Variants in MAN1A2 observed in about 807,000 individuals in gnomAD.
MAN1A2 encodes mannosyl-oligosaccharide 1,2-alpha-mannosidase IB.
MAN1A2 carries 26 observed loss-of-function variants against 75.7 expected under a neutral mutation model. The ratio of observed to expected loss-of-function variants is 0.34; its 90% CI spans 0.25 to 0.48. MAN1A2 has a LOEUF of 0.48. Ranked by LOEUF, MAN1A2 falls within the 20% of genes least tolerant of loss-of-function variation. The pLI is 0.99. For synonymous variants in MAN1A2, 247 were observed against 264.6 expected (o/e 0.93, Z 0.65); for missense variants, 562 against 775.5 (o/e 0.72, Z 3.27).
At position 117,524,888 on chromosome 1, in the gene MAN1A2, A is replaced by C; in HGVS notation, c.*1931A>C. The C allele has an allele frequency of 3.1e-6, 1 of 320,472 alleles. No individual in the cohort carries two copies. The allele number at this position is 320,472 out of a possible 1,614,324, so 19.9% of individuals were successfully genotyped here. ...TATATTACTGTAACTGTAGAAGGGA[A>C]AAGGGAAAGTATTTGGTTCTAAAAA... On this transcript the variant is annotated 3_prime_UTR_variant, in exon 13 of 13. Coordinates refer to ENST00000356554, the MANE Select transcript of MAN1A2 (RefSeq NM_006699.5).
intron 6 of MAN1A2, among the ~76,000 whole-genome samples, chr1:117,453,351 T>G (rs986409783): frequency 6.6e-6 from 1 of 152,176 alleles, no homozygotes; most frequent in African/African-American, 2.4e-5. Context: ...GAAAATCTTC[T>G]GGAAAGGAGT....
chr1:117,511,452 G>A (rs1202738799), intron 12 of MAN1A2, among the ~76,000 whole-genome samples: 1 of 151,924 alleles, frequency 6.6e-6, no homozygotes, highest in East Asian at 1.9e-4. Flanking sequence ...TGGGACTACA[G>A]GTATGAGTCA....
intron 1 of MAN1A2, among the ~76,000 whole-genome samples, chr1:117,375,578 A>G (rs961238285): frequency 6.6e-6 from 1 of 152,222 alleles, no homozygotes; most frequent in Non-Finnish European, 1.5e-5. Flanking sequence ...ACCATTAAAA[A>G]ATATTAGTCA....
intron 5 of MAN1A2, among the ~76,000 whole-genome samples, chr1:117,422,394 G>A (rs1008616100): frequency 6.6e-6 from 1 of 151,942 alleles, no homozygotes; most frequent in African/African-American, 2.4e-5. Flanking sequence ...TTACAGTTTT[G>A]GAGATTGTGA....
chr1:117,442,195 G>T, intron 5 of MAN1A2, 36 bp from the exon 6 acceptor site: 1 of 1,272,440 alleles, frequency 7.9e-7, no homozygotes, highest in South Asian at 1.2e-5. Context: ...CTTACTAATG[G>T]CTATAATTTA....
intron 8 of MAN1A2, among the ~76,000 whole-genome samples, chr1:117,492,549 A>G (rs1287481087): frequency 6.6e-6 from 1 of 152,076 alleles, no homozygotes; most frequent in Admixed American, 6.6e-5. Context: ...AACTTGCAGT[A>G]TCTCTGAGGT....
At chr1:117,487,204 T>G (rs1195342269) in intron 8 of MAN1A2, among the ~76,000 whole-genome samples, 1 of 152,042 alleles carries the variant, frequency 6.6e-6, no homozygotes, top group African/African-American at 2.4e-5. Flanking sequence ...TGTGGGAAGT[T>G]ATTTCAGAAT....
rs549794172 is a variant in MAN1A2, at chr1:117,462,176, G to A, written c.1074+1564G>A. ...AAATATATGCCCTTGGGGTAAAGAA[G>A]GATTTTTACAATGGGAAACAAAAAA... On this transcript the variant is annotated intron_variant, in intron 7 of 12. Transcript: ENST00000356554. 5.7e-4 allele frequency among the ~76,000 whole-genome samples: 86 copies of A among 151,938 alleles called. No individual in the cohort carries two copies. The East Asian group carries it at 0.016, about 28-fold the overall frequency.
intron 6 of MAN1A2, among the ~76,000 whole-genome samples, chr1:117,442,785 GA>G (rs1226775218): frequency 6.6e-5 from 10 of 152,078 alleles, no homozygotes; most frequent in Admixed American, 6.6e-5. Context: ...TAAAGATAAA[GA>G]AAGACGTAAT....
chr1:117,368,171 A>C lies in MAN1A2; in HGVS notation c.-13A>C. 6.2e-7 allele frequency: 1 copy of C among 1,600,398 alleles called. No individual in the cohort carries two copies. The highest frequency in any genetic ancestry group is 8.5e-7 in the Non-Finnish European group (1 of 1,175,234). On this transcript the variant is annotated 5_prime_UTR_variant, in exon 1 of 13. Transcript: ENST00000356554. ...GAGAACTTTCTAAAGTATTCTCTCCAAGAGCGTAAACGATGACTACCCCAG... is the reference window on the plus strand; with the variant it reads ...GAGAACTTTCTAAAGTATTCTCTCCCAGAGCGTAAACGATGACTACCCCAG...
intron 1 of MAN1A2, among the ~76,000 whole-genome samples, chr1:117,393,777 G>A (rs569105768): frequency 1.3e-5 from 2 of 152,194 alleles, no homozygotes; most frequent in East Asian, 1.9e-4. Flanking sequence ...TCTTTAAAGG[G>A]CTCTCATATT....
Position 117,523,916 on chromosome 1 carries a change from A to G in MAN1A2, c.*959A>G, listed in dbSNP as rs2101036906. The G allele has an allele frequency of 6.6e-6, 1 of 152,302 alleles. No individual in the cohort carries two copies. The highest frequency in any genetic ancestry group is 2.1e-4 in the South Asian group (1 of 4,828). The allele number at this position is 152,302 out of a possible 1,614,324, so 9.4% of individuals were successfully genotyped here. ...AGTCACTCAACTTACAACTTTATTT[A>G]TGTGGCTTGGCAAAAATCACTATAA... On this transcript the variant is annotated 3_prime_UTR_variant, in exon 13 of 13. Transcript: ENST00000356554.
intron 6 of MAN1A2, among the ~76,000 whole-genome samples, chr1:117,448,703 A>T (rs913013692): frequency 2.0e-5 from 3 of 152,164 alleles, no homozygotes; most frequent in African/African-American, 7.2e-5. Flanking sequence ...GTATGGAGAG[A>T]AGCATATCCA....
At chr1:117,518,605 G>C (rs948253284) in intron 12 of MAN1A2, among the ~76,000 whole-genome samples, 2 of 152,018 alleles carry the variant, frequency 1.3e-5, no homozygotes, top group African/African-American at 4.8e-5. Context: ...ATTATATAAT[G>C]ATAAAAGGTC....
At chr1:117,415,402 G>A (rs1278159392) in intron 4 of MAN1A2, among the ~76,000 whole-genome samples, 2 of 151,930 alleles carry the variant, frequency 1.3e-5, no homozygotes, top group Admixed American at 6.6e-5. Flanking sequence ...TTTTCCTTTT[G>A]ACTGTATTAT....
At chr1:117,507,970 C>T (rs1216469784) in intron 12 of MAN1A2, among the ~76,000 whole-genome samples, 2 of 151,626 alleles carry the variant, frequency 1.3e-5, no homozygotes, top group Non-Finnish European at 3.0e-5. Context: ...ACCAAGACTC[C>T]TAGGAGCGGT....
At chr1:117,458,500 TATATATATATAG>T (rs1557959044) in intron 6 of MAN1A2, among the ~76,000 whole-genome samples, 25 of 104,744 alleles carry the variant, frequency 2.4e-4, no homozygotes, top group African/African-American at 1.0e-3. Flanking sequence ...TATATATCTA[TATATATATATAG>T]ATATATATAT....
intron 5 of MAN1A2, among the ~76,000 whole-genome samples, chr1:117,422,826 CT>C (rs1425848494): frequency 6.6e-6 from 1 of 151,912 alleles, no homozygotes; most frequent in Non-Finnish European, 1.5e-5. Flanking sequence ...CTTTTATAAT[CT>C]ATACATTTGC....
chr1:117,432,502 G>GT (rs1322552331), intron 5 of MAN1A2, among the ~76,000 whole-genome samples: 3 of 152,144 alleles, frequency 2.0e-5, no homozygotes, highest in African/African-American at 4.8e-5. Context: ...ATTATAAGCA[G>GT]TTTTTTTGCA....
Sources: allele counts gnomAD v4.1 joint callset (sites outside exome capture counted in the v4.1 genomes callset), GRCh38; gene constraint gnomAD v4.1.1; transcripts MANE v1.5; gene names NCBI Gene and HGNC (gene_info 2026-07-23, HGNC 2026-07-21).